ANO10: variants seen among roughly 807,000 people sequenced by gnomAD.
ANO10 encodes anoctamin-10.
ANO10 carries 77 observed loss-of-function variants against 74.7 expected under a neutral mutation model. The observed-to-expected ratio is 1.03, with a 90% CI of 0.86 to 1.25. The LOEUF (loss-of-function observed/expected upper bound fraction) is 1.25, where lower values mean the gene tolerates loss of function less well. ANO10 is among the 50% of genes most tolerant of loss of function. The probability of loss-of-function intolerance (pLI) is 0.00; values close to 1 mark genes in which losing one functional copy is unlikely to be tolerated. For missense variants in ANO10, 721 were observed against 778.1 expected (o/e 0.93, Z 0.87); for synonymous variants, 279 against 284.9 (o/e 0.98, Z 0.21).
chr3:43,605,011 G>A (rs1032576042), intron 2 of ANO10, among the ~76,000 whole-genome samples: 1 of 151,890 alleles, frequency 6.6e-6, no homozygotes, highest in African/African-American at 2.4e-5. Context: ...TTCAGAGACT[G>A]TGCAGACTAA....
At chr3:43,570,726 A>C (rs1212385275) in intron 7 of ANO10, among the ~76,000 whole-genome samples, 1 of 144,570 alleles carries the variant, frequency 6.9e-6, no homozygotes, top group African/African-American at 2.6e-5. Flanking sequence ...AAAACCATAA[A>C]AACCCTAGAA....
At chr3:43,405,866 TTGTC>T (rs751783796) in intron 12 of ANO10, among the ~76,000 whole-genome samples, 6 of 152,220 alleles carry the variant, frequency 3.9e-5, no homozygotes, top group Non-Finnish European at 8.8e-5. Flanking sequence ...TGCTAGATCT[TTGTC>T]TGCTCCTTTG....
intron 11 of ANO10, 75 bp from the exon 12 acceptor site, chr3:43,432,802 C>G: frequency 1.0e-6 from 1 of 987,362 alleles, no homozygotes; most frequent in Non-Finnish European, 1.6e-6. Context: ...GATATCTAAG[C>G]AATCTAGGAT....
At chr3:43,451,191 CTGCCGAGA>C (rs1401099216) in intron 11 of ANO10, among the ~76,000 whole-genome samples, 2 of 152,168 alleles carry the variant, frequency 1.3e-5, no homozygotes, top group African/African-American at 4.8e-5. Context: ...CTGGGACATG[CTGCCGAGA>C]TGTCCCATCA....
intron 11 of ANO10, among the ~76,000 whole-genome samples, chr3:43,491,940 G>C (rs550496215): frequency 6.6e-6 from 1 of 152,022 alleles, no homozygotes; most frequent in Non-Finnish European, 1.5e-5. Flanking sequence ...GGCCAAATAG[G>C]AACAGCTCCG....
intron 11 of ANO10, among the ~76,000 whole-genome samples, chr3:43,489,721 G>A (rs751761747): frequency 9.2e-5 from 14 of 152,140 alleles, no homozygotes; most frequent in Non-Finnish European, 1.8e-4. Flanking sequence ...TATTGAAAGT[G>A]CATGGCAGAA....
chr3:43,634,062 A>G (rs2083579921), intron 1 of ANO10, among the ~76,000 whole-genome samples: 1 of 152,120 alleles, frequency 6.6e-6, no homozygotes. Context: ...ATCTTCCAAA[A>G]GATATTTAAT....
At chr3:43,408,416 C>G (rs1482952256) in intron 12 of ANO10, among the ~76,000 whole-genome samples, 1 of 152,022 alleles carries the variant, frequency 6.6e-6, no homozygotes, top group Non-Finnish European at 1.5e-5. Flanking sequence ...TAAGGGAAAC[C>G]AGCAGCATAT....
intron 1 of ANO10, among the ~76,000 whole-genome samples, chr3:43,619,675 C>T (rs1183792953): frequency 2.0e-5 from 3 of 151,312 alleles, no homozygotes; most frequent in African/African-American, 7.3e-5. Flanking sequence ...CATGGCGAAA[C>T]CCTGTCTCTA....
chr3:43,517,434 A>C (rs531179135), intron 11 of ANO10, among the ~76,000 whole-genome samples: 1 of 152,196 alleles, frequency 6.6e-6, no homozygotes, highest in African/African-American at 2.4e-5. Flanking sequence ...TGTAACCCCC[A>C]ATGTGGCTGT....
Position 43,605,734 on chromosome 3 carries a change from A to T in ANO10, c.119T>A (p.Ile40Lys). ...CTCACCTCCATCTTTTTTTTTAGCT[A>T]TAATTCTGTTTTTCAGCCATTCTTT... Reference protein sequence around the residue: ...ETKEWLKNRIIAKKKDGGAQL... With the variant: ...ETKEWLKNRIKAKKKDGGAQL... The change falls in exon 2 of 13, where the codon ATA becomes AAA. Residue 40 changes from isoleucine (I) to lysine (K), a missense_variant. Ile to Lys is a moderately radical substitution (Grantham distance 102). Transcript: ENST00000292246. 1 of 1,613,512 alleles carries T rather than the reference A, an allele frequency of 6.2e-7. No individual in the cohort carries two copies. Among genetic ancestry groups the T allele is most frequent in the East Asian group, 2.2e-5 (1 of 44,846 alleles).
At chr3:43,543,878 C>G (rs2079064475) in intron 11 of ANO10, among the ~76,000 whole-genome samples, 1 of 152,114 alleles carries the variant, frequency 6.6e-6, no homozygotes, top group Non-Finnish European at 1.5e-5. Flanking sequence ...GAGTAGTTAA[C>G]TCGTCTTCAC....
At chr3:43,641,623 T>C (rs1483570790) in intron 1 of ANO10, among the ~76,000 whole-genome samples, 3 of 152,238 alleles carry the variant, frequency 2.0e-5, no homozygotes, top group Admixed American at 6.5e-5. Context: ...ACTTATAAGG[T>C]TGAAGTACCA....
chr3:43,507,778 T>C (rs1291004584), intron 11 of ANO10, among the ~76,000 whole-genome samples: 1 of 152,106 alleles, frequency 6.6e-6, no homozygotes, highest in Non-Finnish European at 1.5e-5. Flanking sequence ...TCTGTCACTA[T>C]TAACTGTGAT....
chr3:43,525,895 T>C (rs533845683), intron 11 of ANO10, among the ~76,000 whole-genome samples: 26 of 152,332 alleles, frequency 1.7e-4, no homozygotes, highest in Admixed American at 7.2e-4. Flanking sequence ...AATCATTCCT[T>C]CTAAATCCAA....
At chr3:43,475,336 C>G (rs1175452849) in intron 11 of ANO10, among the ~76,000 whole-genome samples, 1 of 152,088 alleles carries the variant, frequency 6.6e-6, no homozygotes, top group African/African-American at 2.4e-5. Context: ...TGGTGTCATT[C>G]TTATAGTCAA....
intron 11 of ANO10, among the ~76,000 whole-genome samples, chr3:43,487,936 A>C (rs4535200): frequency 0.49 from 74,336 of 150,860 alleles, 20,296 homozygotes; most frequent in East Asian, 0.82. Context: ...AGGCTACAGT[A>C]ACCAAAACAG....
At chr3:43,404,851 T>C (rs906155) in intron 12 of ANO10, among the ~76,000 whole-genome samples, 20,203 of 128,522 alleles carry the variant, frequency 0.16, 1,549 homozygotes, top group African/African-American at 0.2. Flanking sequence ...CATTCCATCC[T>C]GGGTGACAGA....
chr3:43,408,066 G>C (rs2092606676), intron 12 of ANO10, among the ~76,000 whole-genome samples: 1 of 152,218 alleles, frequency 6.6e-6, no homozygotes, highest in Non-Finnish European at 1.5e-5. Flanking sequence ...AGGGAGATCA[G>C]TCAGAGGGTT....
Sources: allele counts gnomAD v4.1 joint callset (sites outside exome capture counted in the v4.1 genomes callset), GRCh38; gene constraint gnomAD v4.1.1; transcripts MANE v1.5; gene names NCBI Gene and HGNC (gene_info 2026-07-23, HGNC 2026-07-21).